Variants in GLRA3 observed in about 807,000 individuals in gnomAD.
The protein encoded by GLRA3 is glycine receptor alpha 3, also known as glycine receptor subunit alpha-3.
GLRA3 carries 44 observed loss-of-function variants against 60.4 expected under a neutral mutation model. The ratio of observed to expected loss-of-function variants is 0.73; its 90% confidence interval spans 0.57 to 0.94. GLRA3 has a LOEUF of 0.94. GLRA3 is among the 40% of genes least tolerant of loss of function. The pLI is 0.00. For synonymous variants in GLRA3, 223 were observed against 192.9 expected, an observed-to-expected ratio of 1.16 and a Z score of -1.29; for missense variants, 508 against 564.6, an observed-to-expected ratio of 0.90 and a Z score of 1.02.
chr4:174,786,407 G>A (rs931816517), intron 2 of GLRA3, among the ~76,000 whole-genome samples: 6 of 152,064 alleles, frequency 3.9e-5, no homozygotes, highest in Non-Finnish European at 8.8e-5. Flanking sequence ...GGTGAGGTGG[G>A]CCCCTAGGTA....
At chr4:174,747,376 T>C (rs1579544938) in intron 3 of GLRA3, among the ~76,000 whole-genome samples, 1 of 152,166 alleles carries the variant, frequency 6.6e-6, no homozygotes, top group South Asian at 2.1e-4. Flanking sequence ...GAGAATTCAG[T>C]CTGATGACTT....
chr4:174,648,466 A>G (rs1490954128), intron 9 of GLRA3, among the ~76,000 whole-genome samples: 1 of 152,214 alleles, frequency 6.6e-6, no homozygotes. Flanking sequence ...ACTCCATCTC[A>G]GAATCAATCA....
intron 5 of GLRA3, among the ~76,000 whole-genome samples, chr4:174,690,780 A>G (rs1190322831): frequency 1.3e-5 from 2 of 152,092 alleles, no homozygotes. Flanking sequence ...GCTTCCTGCA[A>G]TTAGTTTGCC....
At chr4:174,814,686 G>A (rs1740413697) in intron 1 of GLRA3, among the ~76,000 whole-genome samples, 2 of 152,134 alleles carry the variant, frequency 1.3e-5, no homozygotes, top group African/African-American at 4.8e-5. Flanking sequence ...AGCTTGTGCA[G>A]GGAAATTCCC....
At chr4:174,822,616 C>A (rs1411544585) in intron 1 of GLRA3, among the ~76,000 whole-genome samples, 1 of 152,040 alleles carries the variant, frequency 6.6e-6, no homozygotes, top group East Asian at 1.9e-4. Flanking sequence ...CTGGATGGAC[C>A]AGTTACCTCC....
chr4:174,744,170 G>C (rs1737136521), intron 3 of GLRA3, among the ~76,000 whole-genome samples: 1 of 152,242 alleles, frequency 6.6e-6, no homozygotes, highest in South Asian at 2.1e-4. Context: ...CAGCATTGCA[G>C]CCACTGGCAA....
intron 1 of GLRA3, among the ~76,000 whole-genome samples, chr4:174,828,052 AT>A (rs566834565): frequency 5.9e-5 from 9 of 152,094 alleles, no homozygotes; most frequent in Admixed American, 3.3e-4. Flanking sequence ...TCTTTAAATT[AT>A]TTTTTTAAGC....
chr4:174,695,758 G>A (rs1438951774), intron 5 of GLRA3, among the ~76,000 whole-genome samples: 2 of 152,032 alleles, frequency 1.3e-5, no homozygotes, highest in African/African-American at 4.8e-5. Context: ...GCAAGACAAA[G>A]AAATAAAGGA....
At chr4:174,769,271 T>G (rs1738287691) in intron 2 of GLRA3, among the ~76,000 whole-genome samples, 1 of 152,102 alleles carries the variant, frequency 6.6e-6, no homozygotes, top group Admixed American at 6.6e-5. Flanking sequence ...TTTTCTGTCT[T>G]CCTGTTATCC....
chr4:174,823,783 G>A (rs1240534633), intron 1 of GLRA3, among the ~76,000 whole-genome samples: 2 of 152,126 alleles, frequency 1.3e-5, no homozygotes, highest in African/African-American at 4.8e-5. Context: ...TTAGAGAAAT[G>A]CTAATGTTAA....
chr4:174,775,316 C>T (rs1738556533), intron 2 of GLRA3, among the ~76,000 whole-genome samples: 1 of 151,928 alleles, frequency 6.6e-6, no homozygotes. Context: ...AATAAAAATG[C>T]ATGTAGAAAA....
chr4:174,721,857 ATG>A (rs887922140), intron 4 of GLRA3, among the ~76,000 whole-genome samples: 4 of 97,732 alleles, frequency 4.1e-5, no homozygotes, highest in East Asian at 2.9e-4. Context: ...GTGTATACAT[ATG>A]TGTGTGTATA....
intron 5 of GLRA3, among the ~76,000 whole-genome samples, chr4:174,698,886 G>A (rs1026083571): frequency 1.3e-5 from 2 of 152,032 alleles, no homozygotes; most frequent in Non-Finnish European, 2.9e-5. Flanking sequence ...AAAAACTGAT[G>A]CAAGCTATTC....
At chr4:174,649,050 T>C (rs1732938843) in intron 9 of GLRA3, among the ~76,000 whole-genome samples, 1 of 152,130 alleles carries the variant, frequency 6.6e-6, no homozygotes, top group African/African-American at 2.4e-5. Context: ...GGTTGCTAAA[T>C]TTACTCCATC....
intron 7 of GLRA3, among the ~76,000 whole-genome samples, chr4:174,662,192 A>G (rs1733473642): frequency 6.6e-6 from 1 of 152,090 alleles, no homozygotes; most frequent in East Asian, 1.9e-4. Flanking sequence ...GCATGAGATA[A>G]TTCATTTTGT....
intron 8 of GLRA3, among the ~76,000 whole-genome samples, chr4:174,658,146 C>T (rs10007816): frequency 0.3 from 46,235 of 152,008 alleles, 8,082 homozygotes; most frequent in Admixed American, 0.48. Flanking sequence ...TAGACTGTTA[C>T]CATTAAGGTT....
intron 2 of GLRA3, among the ~76,000 whole-genome samples, chr4:174,778,337 C>A (rs1344435230): frequency 1.3e-5 from 2 of 151,936 alleles, no homozygotes; most frequent in African/African-American, 4.8e-5. Context: ...TATTTCTTTT[C>A]TTTTCTTTTT....
intron 3 of GLRA3, among the ~76,000 whole-genome samples, chr4:174,734,985 A>C (rs1579525702): frequency 1.3e-5 from 2 of 152,192 alleles, no homozygotes; most frequent in Non-Finnish European, 2.9e-5. Context: ...CTTGCTGTCA[A>C]TGAAAAATAG....
Position 174,643,581 on chromosome 4 carries a change from C to A in GLRA3, c.*205G>T. ...CCTGGAATTAATATGAAATAGAATC[C>A]CCTAATAAATATTTTATATTCATTA... On this transcript the variant is annotated 3_prime_UTR_variant, in exon 10 of 10. Coordinates refer to ENST00000274093, the MANE Select transcript of GLRA3 (RefSeq NM_006529.4). The A allele has an allele frequency of 2.4e-6, 3 of 1,235,928 alleles. No individual in the cohort carries two copies. Among genetic ancestry groups the A allele is most frequent in the South Asian group, 2.9e-5 (1 of 34,498 alleles). 76.6% of individuals were successfully genotyped at this position (1,235,928 alleles called of 1,614,324 possible).
Sources: allele counts gnomAD v4.1 joint callset (sites outside exome capture counted in the v4.1 genomes callset), GRCh38; gene constraint gnomAD v4.1.1; transcripts MANE v1.5; gene names NCBI Gene and HGNC (gene_info 2026-07-23, HGNC 2026-07-21).